RASGRF1: variants seen among roughly 807,000 people sequenced by gnomAD.
The protein encoded by RASGRF1 is Ras protein specific guanine nucleotide releasing factor 1.
In RASGRF1, 40 loss-of-function variants were observed where a neutral mutation model predicts 138.7. The ratio of observed to expected loss-of-function variants is 0.29; its 90% CI spans 0.22 to 0.38. The LOEUF (loss-of-function observed/expected upper bound fraction) is 0.38. Ranked by LOEUF, RASGRF1 falls within the 10% of genes least tolerant of loss-of-function variation. RASGRF1 has a pLI of 1.00. For synonymous variants in RASGRF1, 614 were observed against 663.2 expected, an observed-to-expected ratio of 0.93 and a Z score of 1.14; for missense variants, 1,108 against 1,650.4, an observed-to-expected ratio of 0.67 and a Z score of 5.69.
chr15:79,029,271 A>C (rs1435058669), intron 8 of RASGRF1, among the ~76,000 whole-genome samples: 1 of 152,070 alleles, frequency 6.6e-6, no homozygotes, highest in Admixed American at 6.6e-5. Flanking sequence ...TTTGAGAGGG[A>C]GGCACCTCTG....
Position 79,025,404 on chromosome 15 carries a change from T to C in RASGRF1, c.1452A>G (p.Leu484=). Residue 484 remains leucine (L), a synonymous_variant, in exon 10 of 27, where the codon CTA becomes CTG. Transcript: ENST00000558480. ...ITRGRLGSLS[L]KKEGERQCFL... ...AGCACTGTCGCTCGCCCTCTTTCTT[T>C]AGGGAGAGAGACCCCAGGCGCCCCC... 2 of 1,614,042 alleles carry C rather than the reference T, an allele frequency of 1.2e-6. No individual in the cohort carries two copies. Among genetic ancestry groups the C allele is most frequent in the Non-Finnish European group, 1.7e-6 (2 of 1,179,948 alleles).
At chr15:79,070,120 C>T (rs1300745388) in intron 1 of RASGRF1, among the ~76,000 whole-genome samples, 1 of 152,172 alleles carries the variant, frequency 6.6e-6, no homozygotes, top group Non-Finnish European at 1.5e-5. Context: ...TGCACAGGTG[C>T]TAACATTCTG....
intron 10 of RASGRF1, 97 bp downstream of exon 10, chr15:79,025,217 C>G: frequency 7.3e-7 from 1 of 1,373,706 alleles, no homozygotes. Context: ...TCTCTGACAC[C>G]CCTGCCCACC....
chr15:79,049,244 C>T (rs761817793), intron 4 of RASGRF1, among the ~76,000 whole-genome samples: 8 of 152,124 alleles, frequency 5.3e-5, no homozygotes, highest in Non-Finnish European at 8.8e-5. Flanking sequence ...CCACTCCTTC[C>T]TCTTGTGGAA....
intron 2 of RASGRF1, among the ~76,000 whole-genome samples, chr15:79,059,962 A>T (rs539664292): frequency 9.8e-6 from 1 of 102,530 alleles, no homozygotes; most frequent in Non-Finnish European, 2.0e-5. Context: ...CCACTGATAC[A>T]CTCACACACA....
Position 78,985,099 on chromosome 15 carries a change from G to A in RASGRF1, c.3322C>T (p.His1108Tyr). Reference sequence around the variant, plus strand: ...ATCTCCAGTACGGCATTGTAGTTGTGGAGGCAGCGGCATATGTCAGCTACG... The same window carrying A: ...ATCTCCAGTACGGCATTGTAGTTGTAGAGGCAGCGGCATATGTCAGCTACG... The part of the protein sequence containing the change: ...VAVADICRCL[H>Y]NYNAVLEITS... Residue 1108 changes from histidine (H) to tyrosine (Y), a missense_variant, in exon 23 of 27, where the codon CAC (histidine) becomes TAC (tyrosine). This residue lies in a region of RASGRF1 where 686 missense variants were observed against 976.7 expected (regional missense o/e 0.70). Transcript: ENST00000558480. 3 of 1,613,840 alleles carry A rather than the reference G, an allele frequency of 1.9e-6. No homozygotes were observed. The highest frequency in any genetic ancestry group is 2.5e-6 in the Non-Finnish European group (3 of 1,179,758).
intron 5 of RASGRF1, among the ~76,000 whole-genome samples, chr15:79,040,214 C>A (rs1169832922): frequency 6.6e-6 from 1 of 152,114 alleles, no homozygotes; most frequent in Non-Finnish European, 1.5e-5. Flanking sequence ...CAGACGGAAC[C>A]TGGGAATCAC....
chr15:79,090,127 G>A (rs1192899669), intron 1 of RASGRF1, 96 bp downstream of exon 1: 15 of 1,418,986 alleles, frequency 1.1e-5, no homozygotes, highest in Non-Finnish European at 1.4e-5. Context: ...AAGAGTAGAG[G>A]GGCCAAAGTT....
chr15:79,071,526 A>ATTT (rs60329515), intron 1 of RASGRF1, among the ~76,000 whole-genome samples: 5 of 141,370 alleles, frequency 3.5e-5, no homozygotes, highest in African/African-American at 1.3e-4. Context: ...TGCCCGGCTA[A>ATTT]TTTTTTTTTT....
chr15:79,004,768 T>C, intron 14 of RASGRF1: 1 of 985,634 alleles, frequency 1.0e-6, no homozygotes, highest in South Asian at 4.7e-5. Flanking sequence ...AGGTTATACA[T>C]CCAGAACATT....
intron 18 of RASGRF1, 27 bp downstream of exon 18, chr15:78,998,692 G>C (rs1368459587): frequency 6.3e-7 from 1 of 1,575,302 alleles, no homozygotes; most frequent in African/African-American, 1.4e-5. Flanking sequence ...GTCCCCAGCA[G>C]CCTGCCCAGG....
intron 1 of RASGRF1, among the ~76,000 whole-genome samples, chr15:79,066,411 C>A (rs537292756): frequency 6.6e-6 from 1 of 152,332 alleles, no homozygotes; most frequent in East Asian, 1.9e-4. Flanking sequence ...CTCAGGGAGC[C>A]TGTAGGTAGG....
chr15:79,090,666 C>T lies in RASGRF1; in HGVS notation c.-168G>A, dbSNP rs1302461531. ...TCCAGGATCTGGCGCCGAGCCGCGG[C>T]TTCTTGAATCCAGATATACCATTCC... On this transcript the variant is annotated 5_prime_UTR_variant, in exon 1 of 27. Coordinates refer to ENST00000558480, the MANE Select transcript of RASGRF1 (RefSeq NM_001145648.3). 1 of 932,008 alleles carries T rather than the reference C, an allele frequency of 1.1e-6. No homozygotes were observed. Among genetic ancestry groups the T allele is most frequent in the East Asian group, 2.6e-5 (1 of 37,886 alleles). 57.7% of individuals were successfully genotyped at this position (932,008 alleles called of 1,614,324 possible). A position where few individuals can be genotyped will look rare whatever the true frequency, so the allele number is the denominator to read the frequency against.
chr15:78,990,374 G>T, intron 21 of RASGRF1, 101 bp from the exon 22 acceptor site: 1 of 792,134 alleles, frequency 1.3e-6, no homozygotes, highest in Non-Finnish European at 2.1e-6. Context: ...TTTTGAGGCT[G>T]TCATTTCTGG....
At chr15:78,980,781 A>G in intron 23 of RASGRF1, 82 bp from the exon 24 acceptor site, 2 of 1,025,028 alleles carry the variant, frequency 2.0e-6, no homozygotes, top group East Asian at 2.5e-5. Flanking sequence ...ACACTCCAAC[A>G]TGCTGCCCAA....
At chr15:78,991,912 G>T in intron 20 of RASGRF1, 118 bp from the exon 21 acceptor site, 1 of 709,084 alleles carries the variant, frequency 1.4e-6, no homozygotes. Context: ...GGTGGACGGG[G>T]TATGACGCTG....
At chr15:78,999,677 C>A (rs2056475451) in intron 17 of RASGRF1, 66 bp downstream of exon 17, 1 of 1,558,942 alleles carries the variant, frequency 6.4e-7, no homozygotes, top group African/African-American at 1.4e-5. Flanking sequence ...GGGACCATGG[C>A]TGCTATCACC....
In RASGRF1 at chr15:79,015,340, GCA is replaced by G. The variant is rs2056863973; in HGVS notation, c.1811_1812del (p.Val604AlafsTer13). 1 of 1,613,196 alleles carries G rather than the reference GCA, an allele frequency of 6.2e-7. No individual in the cohort carries two copies. Among genetic ancestry groups the G allele is most frequent in the African/African-American group, 1.3e-5 (1 of 74,910 alleles). On this transcript the variant is annotated frameshift_variant, in exon 13 of 27. Transcript: ENST00000558480. LOFTEE classifies it high-confidence loss of function. ...NAFEENSKVT[V>X]PQMIKSDASL... ...AAGGGCACTTACTTGATCATCTGCG[GCA>G]CAGTGACCTTGGAATTTTCTTCAAA...
At chr15:78,978,677 T>A in intron 24 of RASGRF1, 1 of 1,020,536 alleles carries the variant, frequency 9.8e-7, no homozygotes, top group South Asian at 3.9e-5. Flanking sequence ...CTTGCCCCCG[T>A]CCCCTGCCTA....
Sources: gnomAD v4.1 joint callset for allele counts (sites outside exome capture counted in the v4.1 genomes callset) on GRCh38, gnomAD v4.1.1 for gene constraint, gnomAD v4.1.1 regional missense constraint, MANE v1.5 for transcripts, NCBI Gene and HGNC (gene_info 2026-07-23, HGNC 2026-07-21) for gene names.